Variants in BARD1 observed in about 807,000 individuals in gnomAD.
The protein encoded by BARD1 is BRCA1 associated RING domain 1.
In BARD1, 73 loss-of-function variants were observed where a neutral mutation model predicts 77.0. That is an observed-to-expected ratio of 0.95 (90% CI 0.79 to 1.15). The LOEUF (loss-of-function observed/expected upper bound fraction) is 1.15, where lower values mean the gene tolerates loss of function less well. BARD1 is among the 50% of genes most tolerant of loss of function. The probability of loss-of-function intolerance (pLI) is 0.00; values close to 1 mark genes in which losing one functional copy is unlikely to be tolerated. For missense variants in BARD1, 993 were observed against 938.8 expected, an observed-to-expected ratio of 1.06 and a Z score of -0.75; for synonymous variants, 384 against 338.0, an observed-to-expected ratio of 1.14 and a Z score of -1.49.
intron 1 of BARD1, among the ~76,000 whole-genome samples, chr2:214,806,245 C>T (rs1162314622): frequency 6.6e-6 from 1 of 152,200 alleles, no homozygotes; most frequent in Non-Finnish European, 1.5e-5. Flanking sequence ...CCATGTGCAA[C>T]ACAAGGCAGA....
chr2:214,741,029 G>A (rs1274563590), intron 9 of BARD1, among the ~76,000 whole-genome samples: 6 of 152,030 alleles, frequency 3.9e-5, no homozygotes, highest in African/African-American at 1.2e-4. Flanking sequence ...AAGAATTAAT[G>A]TGTTAGCCTG....
chr2:214,735,523 A>G (rs1692533096), intron 9 of BARD1, among the ~76,000 whole-genome samples: 1 of 152,196 alleles, frequency 6.6e-6, no homozygotes, highest in Non-Finnish European at 1.5e-5. Context: ...ACAAACAATG[A>G]GGATTTACTG....
intron 2 of BARD1, among the ~76,000 whole-genome samples, chr2:214,793,559 A>C (rs761488923): frequency 1.4e-4 from 21 of 152,210 alleles, no homozygotes; most frequent in Non-Finnish European, 2.6e-4. Context: ...CATTTGTGCA[A>C]TACTTAATTA....
chr2:214,771,797 TCA>T lies in BARD1; in HGVS notation c.1315-2487_1315-2486del, dbSNP rs944072053. 7.2e-4 allele frequency among the ~76,000 whole-genome samples: 109 copies of T among 152,140 alleles called. 2 individuals carry two copies. The highest frequency in any genetic ancestry group is 2.6e-3 in the African/African-American group (107 of 41,526). The stretch of plus-strand genomic sequence containing the variant: ...GTGCTCTGGGCTGTTTCTCAAATCT[TCA>T]GTTTTCTAAAAAAGTAAATTCTCAT... On this transcript the variant is annotated intron_variant, in intron 4 of 10. Coordinates refer to ENST00000260947, the MANE Select transcript of BARD1 (RefSeq NM_000465.4).
At position 214,809,573 on chromosome 2, in the gene BARD1, C is replaced by T. The variant is rs761863671; in HGVS notation, c.-4G>A. ...TCGGCTGCCGATTATCCGGCATCGT[C>T]CCGCCTTCGGATGAAAGGCTCCTCG... is the stretch of plus-strand genomic sequence containing the variant. On this transcript the variant is annotated 5_prime_UTR_variant, in exon 1 of 11. Transcript: ENST00000260947. The T allele has an allele frequency of 5.1e-5, 79 of 1,544,142 alleles. No individual in the cohort carries two copies. The highest frequency in any genetic ancestry group is 6.5e-5 in the Non-Finnish European group (75 of 1,148,172).
At chr2:214,778,033 T>C (rs2106101765) in intron 4 of BARD1, among the ~76,000 whole-genome samples, 1 of 152,116 alleles carries the variant, frequency 6.6e-6, no homozygotes, top group South Asian at 2.1e-4. Flanking sequence ...CCGTCTCTAC[T>C]AAAAATATAA....
intron 6 of BARD1, among the ~76,000 whole-genome samples, chr2:214,756,351 G>C (rs1693693047): frequency 6.6e-6 from 1 of 152,166 alleles, no homozygotes; most frequent in Non-Finnish European, 1.5e-5. Context: ...CATAGATGTG[G>C]TAAACAGGGA....
intron 5 of BARD1, 24 bp downstream of exon 5, chr2:214,769,208 T>G: frequency 6.3e-7 from 1 of 1,576,484 alleles, no homozygotes; most frequent in Non-Finnish European, 8.7e-7. Context: ...ACAGAAAGAA[T>G]GAGAATAAAA....
chr2:214,759,666 T>C (rs1234230406), intron 6 of BARD1, among the ~76,000 whole-genome samples: 1 of 152,152 alleles, frequency 6.6e-6, no homozygotes, highest in African/African-American at 2.4e-5. Flanking sequence ...ATGAAGTAGA[T>C]ATATGACTTT....
At chr2:214,752,584 G>A (rs746057677) in intron 6 of BARD1, 29 bp from the exon 7 acceptor site, 4 of 1,548,690 alleles carry the variant, frequency 2.6e-6, no homozygotes, top group East Asian at 2.2e-5. Flanking sequence ...ATGTGTTTAA[G>A]TAAGTCAAAT....
intron 2 of BARD1, among the ~76,000 whole-genome samples, chr2:214,794,705 G>GT (rs1695681348): frequency 1.3e-5 from 2 of 152,112 alleles, no homozygotes; most frequent in Admixed American, 1.3e-4. Flanking sequence ...GTCTTAAATT[G>GT]TATCTTAGAG....
In BARD1 at chr2:214,801,852, G is replaced by A. The variant is rs991201891; in HGVS notation, c.159-4735C>T. ...ATGTTGAAAACCAAATATTTGGCGG[G>A]GGGGGGGGTTGTTTTTGTTTTTTTT... On this transcript the variant is annotated intron_variant, in intron 1 of 10. Coordinates refer to ENST00000260947, the MANE Select transcript of BARD1 (RefSeq NM_000465.4). Among the ~76,000 whole-genome samples, 2 of 102,696 alleles carry A rather than the reference G, an allele frequency of 1.9e-5. 1 individual carries two copies. Among genetic ancestry groups the A allele is most frequent in the African/African-American group, 8.4e-5 (2 of 23,930 alleles). 67.4% of individuals were successfully genotyped at this position (102,696 alleles called of 152,430 possible).
intron 3 of BARD1, among the ~76,000 whole-genome samples, chr2:214,791,922 G>A (rs76876353): frequency 0.01 from 1,555 of 152,012 alleles, 24 homozygotes; most frequent in African/African-American, 0.035. Context: ...CTACACATGC[G>A]GCTGTAGGCA....
rs577834428 is a variant in BARD1, at chr2:214,780,807, T to A, written c.1067A>T (p.Asn356Ile). 13 of 1,614,152 alleles carry A rather than the reference T, an allele frequency of 8.1e-6. No homozygotes were observed. The African/African-American group carries it at 1.1e-4, about 13-fold the overall frequency. Residue 356 changes from asparagine (N) to isoleucine (I), a missense_variant, in exon 4 of 11, where the codon AAT (asparagine) becomes ATT (isoleucine). Physicochemically the swap from Asn to Ile is moderately radical, Grantham distance 149 (BLOSUM62 -3). Coordinates refer to ENST00000260947, the MANE Select transcript of BARD1 (RefSeq NM_000465.4). ...TGAAGAACATTCAGGCAATGGTATATTTTCTGAGGGCACCGTTTGCTTAAC... is the reference window on the plus strand; with the variant it reads ...TGAAGAACATTCAGGCAATGGTATAATTTCTGAGGGCACCGTTTGCTTAAC... ...DFVKQTVPSE[N>I]IPLPECSSPP...
At chr2:214,805,026 T>A (rs1696204760) in intron 1 of BARD1, among the ~76,000 whole-genome samples, 1 of 152,146 alleles carries the variant, frequency 6.6e-6, no homozygotes, top group Non-Finnish European at 1.5e-5. Flanking sequence ...CCGGGTTTGG[T>A]GGCGCTCACC....
intron 2 of BARD1, among the ~76,000 whole-genome samples, chr2:214,795,812 G>C (rs1559440363): frequency 6.6e-6 from 1 of 152,108 alleles, no homozygotes; most frequent in South Asian, 2.1e-4. Flanking sequence ...AGAGGAGGAT[G>C]ATCAAGAGGT....
Position 214,792,414 on chromosome 2 carries a change from A to G in BARD1, c.247T>C (p.Cys83Arg), listed in dbSNP as rs1559437198. ...NCVSDCIGTG[C>R]PVCYTPAWIQ... ...CAGGCCGGGGTGTAACACACTGGAC[A>G]TCCAGTTCCAATGCAGTCACTTACA... is the stretch of plus-strand genomic sequence containing the variant. The change falls in exon 3 of 11, where the codon TGT becomes CGT. Residue 83 changes from cysteine to arginine, a missense_variant. Physicochemically the swap from Cys to Arg is radical, Grantham distance 180 (BLOSUM62 -3). Transcript: ENST00000260947. The G allele has an allele frequency of 6.2e-7, 1 of 1,611,940 alleles. No individual in the cohort carries two copies. The highest frequency in any genetic ancestry group is 1.7e-4 in the Middle Eastern group (1 of 6,046).
intron 7 of BARD1, among the ~76,000 whole-genome samples, chr2:214,751,115 GTGTATATA>G (rs1432937799): frequency 1.9e-3 from 22 of 11,698 alleles, no homozygotes; most frequent in South Asian, 4.5e-3. Flanking sequence ...GTGTGTGTGT[GTGTATATA>G]TATATATATA....
chr2:214,795,155 G>C (rs569369966), intron 2 of BARD1, among the ~76,000 whole-genome samples: 3 of 152,162 alleles, frequency 2.0e-5, no homozygotes, highest in Non-Finnish European at 4.4e-5. Flanking sequence ...AGTGGGGACA[G>C]GGAGTGGGCA....
Sources: allele counts gnomAD v4.1 joint callset (sites outside exome capture counted in the v4.1 genomes callset), GRCh38; gene constraint gnomAD v4.1.1; transcripts MANE v1.5; gene names NCBI Gene and HGNC (gene_info 2026-07-23, HGNC 2026-07-21).